ITGA8: variants seen among roughly 807,000 people sequenced by gnomAD.
ITGA8 encodes integrin subunit alpha 8.
ITGA8 carries 91 observed loss-of-function variants against 142.3 expected under a neutral mutation model. That is an observed-to-expected ratio of 0.64 (90% CI 0.54 to 0.76). The LOEUF (loss-of-function observed/expected upper bound fraction) is 0.76. Among genes scored for constraint, ITGA8 ranks in the 30% least tolerant of loss-of-function variants. The pLI is 0.00. For missense variants in ITGA8, 1,406 were observed against 1,327.7 expected, an observed-to-expected ratio of 1.06 and a Z score of -0.92; for synonymous variants, 505 against 485.2, an observed-to-expected ratio of 1.04 and a Z score of -0.54.
At chr10:15,548,381 A>G (rs1588637335) in intron 27 of ITGA8, 74 bp downstream of exon 27, 13 of 1,026,688 alleles carry the variant, frequency 1.3e-5, no homozygotes, top group African/African-American at 1.7e-5. Context: ...TCGCTATGAA[A>G]AGACTTCCCA....
chr10:15,626,555 C>T lies in ITGA8; in HGVS notation c.1400-9996G>A, dbSNP rs575428341. Among the ~76,000 whole-genome samples, 13 of 152,260 alleles carry T rather than the reference C, an allele frequency of 8.5e-5. No individual in the cohort carries two copies. In the South Asian group the frequency reaches 2.5e-3, roughly 29 times the overall value. On this transcript the variant is annotated intron_variant, in intron 13 of 29. Transcript: ENST00000378076. ...TCTTTTGCCAATCAAATCGCTGCTC[C>T]TAAACCCAGTTCTTGTGTATATCTG...
chr10:15,678,712 A>T lies in ITGA8; in HGVS notation c.630+10T>A, dbSNP rs1834679493. ...TAAATATTAGGAACTGCGAGACCAA[A>T]ATAATTCACCTTATAAAAATCCAGA... On this transcript the variant is annotated intron_variant, in intron 5 of 29. Transcript: ENST00000378076. 6.2e-7 allele frequency: 1 copy of T among 1,601,888 alleles called. No homozygotes were observed. The highest frequency in any genetic ancestry group is 2.2e-5 in the East Asian group (1 of 44,766).
At chr10:15,678,398 T>C (rs1051014052) in intron 5 of ITGA8, among the ~76,000 whole-genome samples, 1 of 152,216 alleles carries the variant, frequency 6.6e-6, no homozygotes. Context: ...ATTCATGTGA[T>C]CTTTTTAAGA....
intron 2 of ITGA8, among the ~76,000 whole-genome samples, chr10:15,701,207 T>C (rs1835157655): frequency 6.6e-6 from 1 of 152,234 alleles, no homozygotes; most frequent in South Asian, 2.1e-4. Context: ...TGTGTGTATG[T>C]ATTGACACTA....
Position 15,664,007 on chromosome 10 carries a change from T to G in ITGA8, c.848-3085A>C, listed in dbSNP as rs189249432. Among the ~76,000 whole-genome samples, 171 of 152,376 alleles carry G rather than the reference T, an allele frequency of 1.1e-3. 1 individual carries two copies. The highest frequency in any genetic ancestry group is 3.5e-3 in the Admixed American group (53 of 15,302). On this transcript the variant is annotated intron_variant, in intron 8 of 29. Transcript: ENST00000378076. ...GTTACTCAATACTATCTTTGGTTCC[T>G]AATTCAGTGGTTCTTGTAACAGCCA...
At chr10:15,671,821 C>A (rs1834526718) in intron 7 of ITGA8, among the ~76,000 whole-genome samples, 174 bp from the exon 8 acceptor site, 1 of 137,812 alleles carries the variant, frequency 7.3e-6, no homozygotes, top group Admixed American at 7.9e-5. Context: ...AAAAGGAACA[C>A]TTTTATACTA....
chr10:15,641,580 TGA>T (rs1833872657), intron 13 of ITGA8, among the ~76,000 whole-genome samples: 1 of 152,118 alleles, frequency 6.6e-6, no homozygotes. Context: ...TATTCCTATT[TGA>T]GAGACAGAAT....
At chr10:15,627,167 C>A (rs1321009349) in intron 13 of ITGA8, among the ~76,000 whole-genome samples, 1 of 152,196 alleles carries the variant, frequency 6.6e-6, no homozygotes, top group African/African-American at 2.4e-5. Context: ...ATTACAAACA[C>A]AGGCCAGGAT....
At position 15,564,513 on chromosome 10, in the gene ITGA8, C is replaced by T. The variant is rs182069272; in HGVS notation, c.2638-6311G>A. 4.5e-3 allele frequency among the ~76,000 whole-genome samples: 687 copies of T among 152,334 alleles called. 6 individuals carry two copies. Among genetic ancestry groups the T allele is most frequent in the African/African-American group, 0.016 (653 of 41,574 alleles). On this transcript the variant is annotated intron_variant, in intron 25 of 29. Transcript: ENST00000378076. ...TAGAACAAATGAAAATGACTTCTTT[C>T]TGCAATAAGGAAATAATTGTTGGTA...
intron 6 of ITGA8, among the ~76,000 whole-genome samples, chr10:15,674,823 C>T (rs558834923): frequency 5.1e-4 from 77 of 152,012 alleles, no homozygotes; most frequent in Non-Finnish European, 4.4e-5. Context: ...AACTTTAGTC[C>T]CAGCTACTCA....
At chr10:15,692,193 A>G (rs2131713783) in intron 2 of ITGA8, among the ~76,000 whole-genome samples, 1 of 152,168 alleles carries the variant, frequency 6.6e-6, no homozygotes, top group East Asian at 1.9e-4. Context: ...TTGGCCTCCC[A>G]AAGTGCTGGG....
At chr10:15,558,583 C>T (rs9333277) in intron 25 of ITGA8, among the ~76,000 whole-genome samples, 91 of 152,228 alleles carry the variant, frequency 6.0e-4, no homozygotes, top group Admixed American at 1.1e-3. Context: ...AACTGAGGAA[C>T]GTTCTGTATG....
intron 15 of ITGA8, among the ~76,000 whole-genome samples, chr10:15,611,911 G>A (rs367804640): frequency 2.2e-4 from 34 of 152,130 alleles, no homozygotes; most frequent in African/African-American, 7.7e-4. Context: ...CTATATCAGA[G>A]TGTACCACAT....
intron 19 of ITGA8, among the ~76,000 whole-genome samples, chr10:15,605,363 A>T (rs763736977): frequency 3.9e-5 from 6 of 152,146 alleles, no homozygotes; most frequent in Non-Finnish European, 8.8e-5. Flanking sequence ...TGCTGAAAAA[A>T]AGTTTGGTTG....
chr10:15,657,595 C>T (rs9787539), intron 10 of ITGA8, among the ~76,000 whole-genome samples: 74,812 of 147,860 alleles, frequency 0.51, 19,558 homozygotes, highest in South Asian at 0.68. Flanking sequence ...TCAAGTGATC[C>T]TCCTGCCTTG....
intron 2 of ITGA8, among the ~76,000 whole-genome samples, chr10:15,707,651 C>T (rs549347326): frequency 8.6e-5 from 13 of 151,880 alleles, no homozygotes; most frequent in Admixed American, 1.3e-4. Flanking sequence ...GGTGAAATCC[C>T]GTTTCTACTA....
intron 1 of ITGA8, 30 bp downstream of exon 1, chr10:15,719,532 CG>C: frequency 1.3e-6 from 2 of 1,514,720 alleles, no homozygotes; most frequent in Non-Finnish European, 1.7e-6. Flanking sequence ...CCTTCGTCCC[CG>C]CGCGCACCTC....
intron 25 of ITGA8, among the ~76,000 whole-genome samples, chr10:15,564,928 G>T (rs575246977): frequency 6.6e-6 from 1 of 152,324 alleles, no homozygotes; most frequent in South Asian, 2.1e-4. Flanking sequence ...GAATGTTGAG[G>T]ATTTGTAGGG....
intron 27 of ITGA8, among the ~76,000 whole-genome samples, chr10:15,538,003 G>T (rs897049818): frequency 6.6e-6 from 1 of 152,068 alleles, no homozygotes; most frequent in Non-Finnish European, 1.5e-5. Context: ...GCCAGGTCTG[G>T]TGGCATGGGT....
Sources: allele counts gnomAD v4.1 joint callset (sites outside exome capture counted in the v4.1 genomes callset), GRCh38; gene constraint gnomAD v4.1.1; transcripts MANE v1.5; gene names NCBI Gene and HGNC (gene_info 2026-07-23, HGNC 2026-07-21).